DPYD: variants seen among roughly 807,000 people sequenced by gnomAD.
DPYD encodes the protein dihydropyrimidine dehydrogenase.
A neutral mutation model predicts 116.2 loss-of-function variants in DPYD; 109 were observed. The ratio of observed to expected loss-of-function variants is 0.94; its 90% confidence interval spans 0.80 to 1.10. DPYD has a LOEUF of 1.10. Ranked by LOEUF, DPYD falls within the 50% of genes least tolerant of loss-of-function variation. The pLI is 0.00. For synonymous variants in DPYD, 440 were observed against 432.0 expected (o/e 1.02, Z -0.23); for missense variants, 1,302 against 1,254.5 (o/e 1.04, Z -0.57).
intron 18 of DPYD, among the ~76,000 whole-genome samples, chr1:97,271,125 G>T (rs1393991071): frequency 1.3e-5 from 2 of 152,198 alleles, no homozygotes; most frequent in Non-Finnish European, 2.9e-5. Flanking sequence ...GATTTCCCCA[G>T]ACAAGAGATA....
At chr1:97,642,515 T>C (rs146958696) in intron 8 of DPYD, among the ~76,000 whole-genome samples, 8,146 of 151,926 alleles carry the variant, frequency 0.054, 466 homozygotes, top group African/African-American at 0.14. Context: ...TTAATAAATG[T>C]TGTTGGGAAA....
At chr1:97,639,966 A>G (rs546068996) in intron 8 of DPYD, among the ~76,000 whole-genome samples, 5 of 152,292 alleles carry the variant, frequency 3.3e-5, no homozygotes, top group African/African-American at 4.8e-5. Flanking sequence ...ACTCAACTTA[A>G]CTGAAACAAT....
chr1:97,549,075 T>C (rs1651119845), intron 12 of DPYD, among the ~76,000 whole-genome samples: 1 of 152,008 alleles, frequency 6.6e-6, no homozygotes, highest in African/African-American at 2.4e-5. Context: ...TTTCTTATTT[T>C]TTTTTTTTGA....
chr1:97,451,331 A>C (rs866795538), intron 13 of DPYD, among the ~76,000 whole-genome samples: 14 of 152,178 alleles, frequency 9.2e-5, no homozygotes, highest in Admixed American at 2.6e-4. Context: ...TTTATTCCTG[A>C]ATCTGCCAAA....
At chr1:97,688,456 G>T (rs1012694588) in intron 7 of DPYD, among the ~76,000 whole-genome samples, 5 of 151,900 alleles carry the variant, frequency 3.3e-5, no homozygotes, top group African/African-American at 1.2e-4. Flanking sequence ...AATAAAATCA[G>T]TGGAAAAAAC....
intron 20 of DPYD, among the ~76,000 whole-genome samples, chr1:97,169,661 A>G (rs1351670826): frequency 6.6e-6 from 1 of 151,888 alleles, no homozygotes; most frequent in Admixed American, 6.6e-5. Context: ...AATAGACTCT[A>G]CTAGCAACCT....
At chr1:97,641,130 G>A (rs1209913422) in intron 8 of DPYD, among the ~76,000 whole-genome samples, 1 of 152,104 alleles carries the variant, frequency 6.6e-6, no homozygotes, top group Admixed American at 6.6e-5. Context: ...GCTTGCATGG[G>A]GGAACATACC....
At chr1:97,901,875 C>T (rs1344018631) in intron 1 of DPYD, among the ~76,000 whole-genome samples, 1 of 151,730 alleles carries the variant, frequency 6.6e-6, no homozygotes, top group Non-Finnish European at 1.5e-5. Flanking sequence ...AATACATTTA[C>T]CATTCAGAAA....
At chr1:97,704,872 A>G (rs1292176786) in intron 5 of DPYD, among the ~76,000 whole-genome samples, 1 of 152,074 alleles carries the variant, frequency 6.6e-6, no homozygotes, top group East Asian at 1.9e-4. Flanking sequence ...ACTTGTTAAT[A>G]TCAGAAGAGA....
chr1:97,282,222 C>G (rs640711), intron 18 of DPYD, among the ~76,000 whole-genome samples: 16,220 of 151,934 alleles, frequency 0.11, 1,546 homozygotes, highest in African/African-American at 0.26. Flanking sequence ...AGTCATAGAC[C>G]TTGATTCTGA....
chr1:97,347,594 C>A lies in DPYD; in HGVS notation c.2058+25967G>T, dbSNP rs781043537. Among the ~76,000 whole-genome samples, 4 of 151,966 alleles carry A rather than the reference C, an allele frequency of 2.6e-5. 1 individual carries two copies. The South Asian group carries it at 6.2e-4, about 24-fold the overall frequency. On this transcript the variant is annotated intron_variant, in intron 16 of 22. Coordinates refer to ENST00000370192, the MANE Select transcript of DPYD (RefSeq NM_000110.4). ...TATGAGTGAGACTGACCTATAATTT[C>A]TTTTCTTACACTAATCTTTCAATAT...
chr1:97,733,299 T>C (rs918328601), intron 4 of DPYD, among the ~76,000 whole-genome samples: 23 of 152,080 alleles, frequency 1.5e-4, no homozygotes, highest in African/African-American at 4.3e-4. Flanking sequence ...GTTTTTATTA[T>C]AAAACGTATG....
At chr1:97,355,100 C>T (rs1213246258) in intron 16 of DPYD, among the ~76,000 whole-genome samples, 2 of 152,138 alleles carry the variant, frequency 1.3e-5, no homozygotes, top group African/African-American at 2.4e-5. Flanking sequence ...GATATATTTA[C>T]ATCATGATAA....
At chr1:97,276,643 A>G (rs1414875017) in intron 18 of DPYD, among the ~76,000 whole-genome samples, 1 of 151,464 alleles carries the variant, frequency 6.6e-6, no homozygotes, top group Non-Finnish European at 1.5e-5. Context: ...GCTATTAAGA[A>G]GTCAACAAAT....
intron 10 of DPYD, chr1:97,586,409 T>TA (rs1214753457): frequency 1.5e-5 from 2 of 134,760 alleles, no homozygotes; most frequent in Non-Finnish European, 1.5e-5. Context: ...ACACACCAGG[T>TA]AAAAAACGTT....
chr1:97,397,191 G>T (rs1673059531), intron 14 of DPYD, among the ~76,000 whole-genome samples: 1 of 151,946 alleles, frequency 6.6e-6, no homozygotes, highest in Admixed American at 6.6e-5. Flanking sequence ...ACAAGCAAAA[G>T]TGCATGCAGG....
At chr1:97,560,848 T>C (rs1652093836) in intron 11 of DPYD, among the ~76,000 whole-genome samples, 1 of 152,114 alleles carries the variant, frequency 6.6e-6, no homozygotes, top group Non-Finnish European at 1.5e-5. Flanking sequence ...TGAGATGCCA[T>C]CAGAGCTAAA....
rs75410965 is a variant in DPYD at position 97,252,034 on chromosome 1, T to G, written c.2300-17040A>C. On this transcript the variant is annotated intron_variant, in intron 18 of 22. Coordinates refer to ENST00000370192, the MANE Select transcript of DPYD (RefSeq NM_000110.4). ...AAACGAGAGAGGAGTCACTCAAGGG[T>G]GTTATTCCTATTAAAACCTTGTAGT... Among the ~76,000 whole-genome samples, 30 of 143,110 alleles carry G rather than the reference T, an allele frequency of 2.1e-4. No individual in the cohort carries two copies. In the East Asian group the frequency reaches 5.2e-3, roughly 25 times the overall value. The allele number at this position is 143,110 out of a possible 152,430, so 93.9% of individuals were successfully genotyped here.
chr1:97,897,945 T>G (rs1214460990), intron 1 of DPYD, among the ~76,000 whole-genome samples: 1 of 151,866 alleles, frequency 6.6e-6, no homozygotes, highest in Non-Finnish European at 1.5e-5. Context: ...CATGATATTT[T>G]CGCATTCCTA....
Sources: gnomAD v4.1 joint callset for allele counts (sites outside exome capture counted in the v4.1 genomes callset) on GRCh38, gnomAD v4.1.1 for gene constraint, MANE v1.5 for transcripts, NCBI Gene and HGNC (gene_info 2026-07-23, HGNC 2026-07-21) for gene names.